The following RORB variants were observed in gnomAD, a reference collection of about 807,000 sequenced individuals.
The protein encoded by RORB is nuclear receptor ROR-beta.
In RORB, 6 loss-of-function variants were observed where a neutral mutation model predicts 59.1. That is an observed-to-expected ratio of 0.10 (90% CI 0.06 to 0.20). The LOEUF is 0.20. RORB is among the 10% of genes least tolerant of loss of function. The pLI, the probability that RORB is intolerant of heterozygous loss-of-function variation, is 1.00. For missense variants in RORB, 320 were observed against 560.5 expected, an observed-to-expected ratio of 0.57 and a Z score of 4.33; for synonymous variants, 215 against 204.5, an observed-to-expected ratio of 1.05 and a Z score of -0.44.
chr9:74,589,578 C>T (rs760824672), intron 1 of RORB, among the ~76,000 whole-genome samples: 1 of 152,138 alleles, frequency 6.6e-6, no homozygotes, highest in African/African-American at 2.4e-5. Context: ...TGTACAGATG[C>T]GGCTAGTAAA....
intron 1 of RORB, among the ~76,000 whole-genome samples, chr9:74,512,388 G>T (rs544858210): frequency 3.5e-4 from 54 of 152,246 alleles, no homozygotes; most frequent in African/African-American, 1.2e-3. Flanking sequence ...ATCTCAATTT[G>T]CTCATAAGAC....
At chr9:74,623,193 T>A (rs1170181107) in intron 1 of RORB, among the ~76,000 whole-genome samples, 1 of 152,166 alleles carries the variant, frequency 6.6e-6, no homozygotes, top group African/African-American at 2.4e-5. Context: ...AAGAAAGCCT[T>A]TGTCAGTACT....
chr9:74,621,399 C>T (rs1823415885), intron 1 of RORB, among the ~76,000 whole-genome samples: 2 of 152,180 alleles, frequency 1.3e-5, no homozygotes, highest in South Asian at 4.1e-4. Context: ...AAGTTTCCAA[C>T]ATATATTTTC....
At position 74,660,600 on chromosome 9, in the gene RORB, G is replaced by T. The variant is rs772148429; in HGVS notation, c.638-17G>T. ...AATTTTATTCACAAACCTTTGAATT[G>T]ATATCTTTTCTCACAGACCGAATTG... On this transcript the variant is annotated splice_polypyrimidine_tract_variant and intron_variant, in intron 4 of 9. Transcript: ENST00000376896. 6.3e-7 allele frequency: 1 copy of T among 1,599,450 alleles called. No individual in the cohort carries two copies. Among genetic ancestry groups the T allele is most frequent in the African/African-American group, 1.3e-5 (1 of 74,342 alleles).
intron 1 of RORB, among the ~76,000 whole-genome samples, chr9:74,607,600 T>TTATA (rs5898366): frequency 2.0e-5 from 3 of 150,996 alleles, no homozygotes; most frequent in South Asian, 2.1e-4. Flanking sequence ...ATATATTTAT[T>TTATA]TATATATATA....
intron 1 of RORB, among the ~76,000 whole-genome samples, chr9:74,575,799 C>G (rs1442207933): frequency 6.6e-6 from 1 of 151,990 alleles, no homozygotes; most frequent in African/African-American, 2.4e-5. Flanking sequence ...TACAGTGGTA[C>G]AGGGAATATT....
At chr9:74,503,518 T>C (rs1825829385) in intron 1 of RORB, among the ~76,000 whole-genome samples, 1 of 152,012 alleles carries the variant, frequency 6.6e-6, no homozygotes, top group African/African-American at 2.4e-5. Flanking sequence ...AGGGAAGATA[T>C]GAATACACGT....
chr9:74,616,884 T>A (rs767628636), intron 1 of RORB, among the ~76,000 whole-genome samples: 1 of 152,112 alleles, frequency 6.6e-6, no homozygotes, highest in Non-Finnish European at 1.5e-5. Context: ...ATGAACTATA[T>A]GAACAAATGT....
At chr9:74,599,485 C>T (rs554772848) in intron 1 of RORB, among the ~76,000 whole-genome samples, 3 of 152,334 alleles carry the variant, frequency 2.0e-5, no homozygotes, top group Non-Finnish European at 4.4e-5. Flanking sequence ...CTCCTTTCCT[C>T]TGCTGTCCCG....
chr9:74,654,984 C>T (rs1262803927), intron 4 of RORB, among the ~76,000 whole-genome samples: 1 of 152,204 alleles, frequency 6.6e-6, no homozygotes, highest in Non-Finnish European at 1.5e-5. Context: ...CTGCAATACA[C>T]ACCCAATTTT....
chr9:74,558,678 GT>G (rs1822347053), intron 1 of RORB, among the ~76,000 whole-genome samples: 1 of 149,662 alleles, frequency 6.7e-6, no homozygotes, highest in Non-Finnish European at 1.5e-5. Context: ...TAAGGACAAA[GT>G]GCTGAGAAGA....
chr9:74,597,730 G>A (rs755555197), intron 1 of RORB, among the ~76,000 whole-genome samples: 54 of 152,060 alleles, frequency 3.6e-4, no homozygotes, highest in Non-Finnish European at 5.9e-4. Context: ...AGACCGAGGC[G>A]GGCAGATCAC....
At chr9:74,618,145 G>A (rs919836180) in intron 1 of RORB, among the ~76,000 whole-genome samples, 37 of 151,682 alleles carry the variant, frequency 2.4e-4, no homozygotes, top group South Asian at 4.2e-4. Flanking sequence ...ACACACACAC[G>A]CACACACACG....
chr9:74,532,345 C>G (rs1019858967), intron 1 of RORB, among the ~76,000 whole-genome samples: 1 of 151,876 alleles, frequency 6.6e-6, no homozygotes, highest in African/African-American at 2.4e-5. Flanking sequence ...AAGCACCACT[C>G]TAAGTTTCCC....
intron 1 of RORB, among the ~76,000 whole-genome samples, chr9:74,518,839 C>T (rs919898915): frequency 2.0e-5 from 3 of 151,844 alleles, no homozygotes; most frequent in Admixed American, 6.6e-5. Flanking sequence ...CTACAGTGTC[C>T]TTTGTGATTT....
Position 74,552,364 on chromosome 9 carries a change from G to A in RORB, c.7+54381G>A, listed in dbSNP as rs964032121. 1.8e-4 allele frequency among the ~76,000 whole-genome samples: 27 copies of A among 152,246 alleles called. No individual in the cohort carries two copies. The South Asian group carries it at 5.6e-3, about 32-fold the overall frequency. ...CAGGCTCTGAAAACAGACAACCTGA[G>A]TTTGAATCCTGGCCATGTACTTCCT... On this transcript the variant is annotated intron_variant, in intron 1 of 9. Coordinates refer to ENST00000376896, the MANE Select transcript of RORB (RefSeq NM_006914.4).
chr9:74,607,225 G>A (rs911815784), intron 1 of RORB, among the ~76,000 whole-genome samples: 28 of 152,194 alleles, frequency 1.8e-4, no homozygotes, highest in African/African-American at 6.3e-4. Context: ...CAACTTCCAA[G>A]TTAAGATCCC....
chr9:74,640,333 T>A (rs1480053258), intron 3 of RORB, among the ~76,000 whole-genome samples: 1 of 152,044 alleles, frequency 6.6e-6, no homozygotes, highest in Non-Finnish European at 1.5e-5. Context: ...TTCTGCCTCC[T>A]GGGTTCAAGG....
At chr9:74,539,735 G>A (rs1212099073) in intron 1 of RORB, among the ~76,000 whole-genome samples, 2 of 152,070 alleles carry the variant, frequency 1.3e-5, no homozygotes, top group East Asian at 1.9e-4. Context: ...GAAGACAGGG[G>A]CCAGTGAGAT....
Sources: gnomAD v4.1 joint callset for allele counts (sites outside exome capture counted in the v4.1 genomes callset) on GRCh38, gnomAD v4.1.1 for gene constraint, MANE v1.5 for transcripts, NCBI Gene and HGNC (gene_info 2026-07-23, HGNC 2026-07-21) for gene names.